Variants in COL4A6 observed in about 807,000 individuals in gnomAD.
The protein encoded by COL4A6 is collagen type IV alpha 6 chain.
In COL4A6, 59 loss-of-function variants were observed where a neutral mutation model predicts 126.7. That is an observed-to-expected ratio of 0.47 (90% CI 0.38 to 0.58). COL4A6 has a LOEUF of 0.58. Among genes scored for constraint, COL4A6 ranks in the 20% least tolerant of loss-of-function variants. COL4A6 has a pLI of 0.00. For missense variants in COL4A6, 1,285 were observed against 1,337.3 expected (o/e 0.96, Z 0.61); for synonymous variants, 547 against 496.6 (o/e 1.10, Z -1.35).
chrX:108,276,777 C>T (rs1308606925), intron 3 of COL4A6, among the ~76,000 whole-genome samples: 1 of 111,900 alleles, frequency 8.9e-6, no homozygotes, highest in Non-Finnish European at 1.9e-5. Context: ...AAGGTGTTTG[C>T]TGCTTGGCTG....
At chrX:108,416,157 C>A (rs759664340) in intron 2 of COL4A6, among the ~76,000 whole-genome samples, 3 of 112,044 alleles carry the variant, frequency 2.7e-5, no homozygotes, top group Non-Finnish European at 3.8e-5. Flanking sequence ...GAGATTTGGG[C>A]TTAGTCAGAC....
At chrX:108,382,841 G>A (rs1167234457) in intron 2 of COL4A6, among the ~76,000 whole-genome samples, 6 of 107,771 alleles carry the variant, frequency 5.6e-5, no homozygotes, top group Non-Finnish European at 9.6e-5. Flanking sequence ...CCAGCTACTC[G>A]GGAGGCTGAG....
intron 3 of COL4A6, among the ~76,000 whole-genome samples, chrX:108,308,465 G>A (rs747685190): frequency 8.9e-6 from 1 of 112,165 alleles, no homozygotes; most frequent in Non-Finnish European, 1.9e-5. Flanking sequence ...AATCTCACTT[G>A]CATCGATTTG....
At chrX:108,179,588 G>T in intron 25 of COL4A6, 150 bp from the exon 26 acceptor site, 4 of 494,842 alleles carry the variant, frequency 8.1e-6, no homozygotes, top group Non-Finnish European at 1.3e-5. Context: ...CTCTGTTCCT[G>T]CAAGGCCTTG....
At chrX:108,235,111 G>T (rs747867701) in intron 3 of COL4A6, among the ~76,000 whole-genome samples, 4 of 111,694 alleles carry the variant, frequency 3.6e-5, no homozygotes, top group African/African-American at 1.3e-4. Flanking sequence ...AAGCAAAGCA[G>T]GTGGTGGGGT....
chrX:108,409,203 GTATTTGTA>G (rs1404335218), intron 2 of COL4A6, among the ~76,000 whole-genome samples: 2 of 111,724 alleles, frequency 1.8e-5, no homozygotes, highest in East Asian at 5.6e-4. Flanking sequence ...TAAGCAGGTT[GTATTTGTA>G]GAAGACAATT....
At chrX:108,262,280 A>T (rs2147726304) in intron 3 of COL4A6, among the ~76,000 whole-genome samples, 1 of 111,379 alleles carries the variant, frequency 9.0e-6, no homozygotes, top group East Asian at 2.8e-4. Flanking sequence ...GCCCTAGTTC[A>T]CTGTCCTCCC....
rs149076547 is a variant in COL4A6 at position 108,292,993 on chromosome X, C to CA, written c.144+17754dup. ...AAGAAAGGAAAGAGAAGGAAAAAAG[C>CA]AAAAAAAAAAAAAAAAAAAAAAAAA... On this transcript the variant is annotated intron_variant, in intron 3 of 44. Transcript: ENST00000334504. 2.7e-3 allele frequency among the ~76,000 whole-genome samples: 39 copies of CA among 14,560 alleles called. 1 individual carries two copies. Among genetic ancestry groups the CA allele is most frequent in the African/African-American group, 4.2e-3 (19 of 4,534 alleles). 12.6% of individuals were successfully genotyped at this position (14,560 alleles called of 115,157 possible).
At chrX:108,424,536 C>A (rs773834901) in intron 2 of COL4A6, among the ~76,000 whole-genome samples, 27 of 111,050 alleles carry the variant, frequency 2.4e-4, no homozygotes, top group Non-Finnish European at 4.7e-4. Context: ...TTCTGTGACG[C>A]CTTCCCTAAC....
At chrX:108,392,681 G>A (rs774192796) in intron 2 of COL4A6, among the ~76,000 whole-genome samples, 2 of 111,061 alleles carry the variant, frequency 1.8e-5, no homozygotes, top group Non-Finnish European at 3.8e-5. Flanking sequence ...TAGGAATTAG[G>A]GCCTTCAGGA....
intron 3 of COL4A6, among the ~76,000 whole-genome samples, chrX:108,276,869 C>T (rs1454103118): frequency 8.9e-6 from 1 of 112,337 alleles, no homozygotes; most frequent in Non-Finnish European, 1.9e-5. Flanking sequence ...CTCAAACATT[C>T]CCTTACTTTC....
intron 3 of COL4A6, among the ~76,000 whole-genome samples, chrX:108,264,047 C>T (rs746107741): frequency 2.8e-4 from 31 of 111,327 alleles, no homozygotes; most frequent in Non-Finnish European, 5.7e-4. Context: ...AAGTTAATGA[C>T]TTCTAGAGAG....
intron 2 of COL4A6, among the ~76,000 whole-genome samples, chrX:108,408,364 AGAAC>A (rs1229018886): frequency 1.0e-3 from 101 of 96,739 alleles, no homozygotes; most frequent in African/African-American, 2.9e-3. Context: ...AAAGAAAGAA[AGAAC>A]GAAAGAAAGA....
intron 19 of COL4A6, 135 bp downstream of exon 19, chrX:108,191,258 G>A: frequency 2.6e-6 from 2 of 770,627 alleles, no homozygotes; most frequent in Non-Finnish European, 3.7e-6. Flanking sequence ...GGGCCTTCAT[G>A]GCTGCCCCTC....
intron 28 of COL4A6, among the ~76,000 whole-genome samples, chrX:108,176,175 AT>A (rs2148106136): frequency 9.1e-6 from 1 of 109,787 alleles, no homozygotes; most frequent in East Asian, 2.9e-4. Flanking sequence ...AAATACAAAA[AT>A]TAGCTGGGCG....
chrX:108,184,430 T>C (rs904859461), intron 23 of COL4A6, among the ~76,000 whole-genome samples: 1 of 111,543 alleles, frequency 9.0e-6, no homozygotes, highest in Admixed American at 9.5e-5. Context: ...TGAGAGGTAA[T>C]TAGGTTGTTA....
chrX:108,165,394 G>A lies in COL4A6; in HGVS notation c.3784C>T (p.Arg1262Ter), dbSNP rs1237324522. The A allele has an allele frequency of 4.1e-6, 5 of 1,206,789 alleles. No individual in the cohort carries two copies. The highest frequency in any genetic ancestry group is 2.2e-5 in the Admixed American group (1 of 45,778). ...LIAGQPGDPG[R>*]PGLDGERGRP... is the part of the protein sequence containing the mutation. ...CCTCGTTCTCCATCTAGGCCTGGTC[G>A]CCCGGGGTCACCAGGCTGTCCTGCT... The change falls in exon 38 of 45, where the codon CGA becomes TGA. Residue 1262 changes from arginine to a stop codon, truncating the protein, a stop_gained. Coordinates refer to ENST00000334504, the MANE Select transcript of COL4A6 (RefSeq NM_033641.4). LOFTEE classifies it high-confidence loss of function.
Position 108,171,448 on chromosome X carries a change from C to A in COL4A6, c.3216G>T (p.Gln1072His). Residue 1072 changes from glutamine (Q) to histidine (H), a missense_variant, in exon 33 of 45, where the codon CAG (glutamine) becomes CAT (histidine). Coordinates refer to ENST00000334504, the MANE Select transcript of COL4A6 (RefSeq NM_033641.4). ...GLPGLKGDNGQTVEISGSPGP... is the reference protein window; with the variant it reads ...GLPGLKGDNGHTVEISGSPGP... The stretch of plus-strand genomic sequence containing the variant: ...CTGGGCTACCGGAAATTTCAACTGT[C>A]TGGCCGTTGTCTCCTGAGGATTCCA... 1 of 1,209,829 alleles carries A rather than the reference C, an allele frequency of 8.3e-7. No homozygotes were observed. Among genetic ancestry groups the A allele is most frequent in the Non-Finnish European group, 1.1e-6 (1 of 894,007 alleles).
chrX:108,362,253 A>C (rs1569443208), intron 2 of COL4A6, among the ~76,000 whole-genome samples: 1 of 112,435 alleles, frequency 8.9e-6, no homozygotes, highest in South Asian at 3.7e-4. Flanking sequence ...AAAGGAATAC[A>C]ATCTATTAGA....
Sources: gnomAD v4.1 joint callset for allele counts (sites outside exome capture counted in the v4.1 genomes callset) on GRCh38, gnomAD v4.1.1 for gene constraint, MANE v1.5 for transcripts, NCBI Gene and HGNC (gene_info 2026-07-23, HGNC 2026-07-21) for gene names.